Variants in SGCD observed in about 807,000 individuals in gnomAD.
The protein encoded by SGCD is delta-sarcoglycan.
SGCD carries 18 observed loss-of-function variants against 36.6 expected under a neutral mutation model. The observed-to-expected ratio is 0.49, with a 90% CI of 0.34 to 0.73. SGCD has a LOEUF of 0.73. Ranked by LOEUF, SGCD falls within the 30% of genes least tolerant of loss-of-function variation. The pLI, the probability that SGCD is intolerant of heterozygous loss-of-function variation, is 0.01. For missense variants in SGCD, 387 were observed against 346.7 expected (o/e 1.12, Z -0.92); for synonymous variants, 133 against 130.6 (o/e 1.02, Z -0.12).
intron 3 of SGCD, among the ~76,000 whole-genome samples, chr5:156,447,116 A>G (rs1192434420): frequency 2.6e-5 from 4 of 152,156 alleles, no homozygotes; most frequent in African/African-American, 9.7e-5. Flanking sequence ...AGGGAATTTC[A>G]CGGCGTTTTA....
rs34881437 is a variant in SGCD, at chr5:156,516,221, A to ACCC, written c.294+7523_294+7525dup. ...ATCCCATGCCTCCTGACTAGGTGAG[A>ACCC]CCCCCCACACACACACCCCCAATAG... On this transcript the variant is annotated intron_variant, in intron 4 of 8. Coordinates refer to ENST00000337851, the MANE Select transcript of SGCD (RefSeq NM_000337.6). 6.3e-3 allele frequency among the ~76,000 whole-genome samples: 954 copies of ACCC among 152,104 alleles called. 7 individuals carry two copies. The highest frequency in any genetic ancestry group is 0.01 in the Non-Finnish European group (705 of 67,962).
chr5:156,104,748 G>A (rs1761604398), intron 1 of SGCD, among the ~76,000 whole-genome samples: 1 of 152,148 alleles, frequency 6.6e-6, no homozygotes, highest in Non-Finnish European at 1.5e-5. Context: ...TAAAATCTTA[G>A]TTCTTTCTGG....
intron 3 of SGCD, among the ~76,000 whole-genome samples, chr5:156,211,565 G>A (rs947139201): frequency 1.3e-5 from 2 of 149,052 alleles, no homozygotes; most frequent in African/African-American, 5.0e-5. Context: ...CCGAGATCGT[G>A]CCACTGCACT....
chr5:156,531,007 CAT>C (rs1353372388), intron 4 of SGCD, among the ~76,000 whole-genome samples: 3 of 152,182 alleles, frequency 2.0e-5, no homozygotes, highest in Admixed American at 6.5e-5. Flanking sequence ...CTCCAAAACT[CAT>C]GTGTTAAAAC....
intron 1 of SGCD, among the ~76,000 whole-genome samples, chr5:156,068,550 C>G (rs1274036950): frequency 2.7e-4 from 41 of 151,760 alleles, no homozygotes; most frequent in Admixed American, 2.7e-3. Context: ...GGTTCCAAGT[C>G]TTTGCTATTG....
intron 1 of SGCD, among the ~76,000 whole-genome samples, chr5:156,039,859 G>GA (rs1397235371): frequency 4.6e-5 from 7 of 151,740 alleles, no homozygotes; most frequent in South Asian, 2.1e-4. Flanking sequence ...CTATATAAAA[G>GA]AAAAAAAATC....
chr5:156,038,999 C>T (rs1759569664), intron 1 of SGCD, among the ~76,000 whole-genome samples: 1 of 152,122 alleles, frequency 6.6e-6, no homozygotes, highest in Non-Finnish European at 1.5e-5. Context: ...TTCAGACATC[C>T]TCATCTTCCC....
At chr5:155,904,487 A>G (rs1338751111) in intron 1 of SGCD, among the ~76,000 whole-genome samples, 3 of 152,222 alleles carry the variant, frequency 2.0e-5, no homozygotes. Context: ...AAGCAATTGT[A>G]CTTTGTCTAT....
chr5:156,157,046 T>C (rs948260174), intron 3 of SGCD, among the ~76,000 whole-genome samples: 1 of 151,646 alleles, frequency 6.6e-6, no homozygotes, highest in Admixed American at 6.6e-5. Flanking sequence ...AGCAAAATTA[T>C]CAGGATTTCT....
chr5:155,766,679 C>T, the SGCD span, among the ~76,000 whole-genome samples: 1 of 152,226 alleles, frequency 6.6e-6, no homozygotes, highest in Non-Finnish European at 1.5e-5. Context: ...TTAAGAATTA[C>T]CAGAAGATGG....
the SGCD span, among the ~76,000 whole-genome samples, chr5:155,811,482 A>G: frequency 1.3e-5 from 2 of 152,198 alleles, no homozygotes; most frequent in Admixed American, 1.3e-4. Flanking sequence ...GCTCTAAGCC[A>G]TTGTCAGTCT....
intron 7 of SGCD, among the ~76,000 whole-genome samples, chr5:156,725,774 G>A (rs1755741525): frequency 6.6e-6 from 1 of 152,126 alleles, no homozygotes; most frequent in African/African-American, 2.4e-5. Flanking sequence ...TCTCAGAAAG[G>A]GCATTGGCAG....
chr5:155,785,904 C>A, the SGCD span, among the ~76,000 whole-genome samples: 6 of 152,234 alleles, frequency 3.9e-5, no homozygotes, highest in East Asian at 9.7e-4. Context: ...ATGACTGTAG[C>A]TAGTTTCCAG....
intron 3 of SGCD, among the ~76,000 whole-genome samples, chr5:156,311,153 G>GT (rs1767380181): frequency 6.6e-6 from 1 of 152,166 alleles, no homozygotes; most frequent in Non-Finnish European, 1.5e-5. Context: ...CTATAAAATG[G>GT]TTTTTCTAAG....
chr5:156,596,847 G>A (rs766276523), intron 6 of SGCD, among the ~76,000 whole-genome samples: 1 of 152,050 alleles, frequency 6.6e-6, no homozygotes, highest in Non-Finnish European at 1.5e-5. Context: ...GTACATGTGT[G>A]CATATATATT....
intron 6 of SGCD, among the ~76,000 whole-genome samples, chr5:156,607,722 A>T (rs1404413882): frequency 1.3e-5 from 2 of 151,764 alleles, no homozygotes; most frequent in Non-Finnish European, 2.9e-5. Context: ...CTCATTTCAG[A>T]GCCTGTTATT....
chr5:155,914,157 A>C (rs1756690140), intron 1 of SGCD, among the ~76,000 whole-genome samples: 1 of 152,114 alleles, frequency 6.6e-6, no homozygotes, highest in South Asian at 2.1e-4. Flanking sequence ...TGCCTTTCAC[A>C]GTGTTGTGTC....
intron 3 of SGCD, among the ~76,000 whole-genome samples, chr5:156,216,876 C>T (rs1263932818): frequency 2.0e-5 from 3 of 152,074 alleles, no homozygotes; most frequent in African/African-American, 7.2e-5. Flanking sequence ...GTGAGGAGTT[C>T]GAGACCAGCC....
intron 1 of SGCD, among the ~76,000 whole-genome samples, chr5:156,017,990 T>C: frequency 6.6e-6 from 1 of 151,952 alleles, no homozygotes; most frequent in Non-Finnish European, 1.5e-5. Context: ...GGAGACTCCA[T>C]CTCTACAAAA....
Sources: allele counts gnomAD v4.1 joint callset (sites outside exome capture counted in the v4.1 genomes callset), GRCh38; gene constraint gnomAD v4.1.1; transcripts MANE v1.5; gene names NCBI Gene and HGNC (gene_info 2026-07-23, HGNC 2026-07-21).